Variants in COP1 observed in about 807,000 individuals in gnomAD.
COP1 encodes E3 ubiquitin-protein ligase COP1.
A neutral mutation model predicts 101.3 loss-of-function variants in COP1; 24 were observed. The observed-to-expected ratio is 0.24, with a 90% CI of 0.17 to 0.33. COP1 has a LOEUF of 0.33. COP1 is among the 10% of genes least tolerant of loss of function. The pLI is 1.00. For missense variants in COP1, 663 were observed against 906.2 expected, an observed-to-expected ratio of 0.73 and a Z score of 3.45; for synonymous variants, 347 against 341.9, an observed-to-expected ratio of 1.01 and a Z score of -0.17.
chr1:175,968,254 G>GT, intron 18 of COP1: 1 of 233,546 alleles, frequency 4.3e-6, no homozygotes, highest in Non-Finnish European at 8.9e-6. Context: ...TTCAAAACTC[G>GT]TAAGATACCT....
intron 15 of COP1, among the ~76,000 whole-genome samples, chr1:176,010,713 G>GTTAA (rs1664511077): frequency 6.6e-6 from 1 of 152,142 alleles, no homozygotes; most frequent in South Asian, 2.1e-4. Flanking sequence ...TATTTCAGTT[G>GTTAA]TTAAGCCAAA....
chr1:176,100,841 A>T (rs1683276385), intron 9 of COP1, among the ~76,000 whole-genome samples: 1 of 152,142 alleles, frequency 6.6e-6, no homozygotes, highest in Non-Finnish European at 1.5e-5. Flanking sequence ...TCAGCTTAAG[A>T]AAAGGAGTCC....
intron 14 of COP1, among the ~76,000 whole-genome samples, chr1:176,040,377 G>C (rs910541450): frequency 6.6e-6 from 1 of 151,904 alleles, no homozygotes; most frequent in African/African-American, 2.4e-5. Context: ...GTACAGTGTG[G>C]CACAATCCTC....
intron 8 of COP1, among the ~76,000 whole-genome samples, chr1:176,131,714 T>C (rs1159648528): frequency 1.3e-5 from 2 of 151,764 alleles, no homozygotes; most frequent in African/African-American, 4.8e-5. Flanking sequence ...AATAGTATTA[T>C]AAAAGATAAT....
chr1:176,061,481 C>A (rs1286525585), intron 11 of COP1, among the ~76,000 whole-genome samples: 1 of 152,142 alleles, frequency 6.6e-6, no homozygotes, highest in Admixed American at 6.5e-5. Flanking sequence ...ACAAAATTCA[C>A]TAGGCATGGT....
chr1:175,980,547 T>A (rs7553184), intron 18 of COP1, among the ~76,000 whole-genome samples: 104,067 of 152,040 alleles, frequency 0.68, 37,006 homozygotes, highest in East Asian at 0.92. Context: ...TTTGCTGCAC[T>A]TGGTTTCAGA....
At chr1:176,039,656 A>G (rs1337381270) in intron 14 of COP1, among the ~76,000 whole-genome samples, 1 of 152,194 alleles carries the variant, frequency 6.6e-6, no homozygotes, top group Admixed American at 6.5e-5. Flanking sequence ...TTGAAAAAGA[A>G]CAAAGATGGA....
intron 15 of COP1, among the ~76,000 whole-genome samples, chr1:176,013,339 C>T (rs1466892353): frequency 6.6e-6 from 1 of 152,026 alleles, no homozygotes; most frequent in Non-Finnish European, 1.5e-5. Context: ...GGGAAAAACA[C>T]AAGATGATGA....
intron 9 of COP1, among the ~76,000 whole-genome samples, chr1:176,096,499 G>A (rs773912714): frequency 1.4e-4 from 21 of 152,322 alleles, no homozygotes; most frequent in Admixed American, 2.6e-4. Context: ...GCCCCAAGGC[G>A]GCCTCAGGGG....
intron 14 of COP1, among the ~76,000 whole-genome samples, chr1:176,037,401 C>T (rs1449099093): frequency 3.4e-5 from 5 of 147,746 alleles, no homozygotes; most frequent in South Asian, 4.3e-4. Context: ...AGCAAGACTC[C>T]GTCTCAAAAA....
chr1:176,036,926 T>C (rs1669660166), intron 14 of COP1, among the ~76,000 whole-genome samples: 1 of 152,192 alleles, frequency 6.6e-6, no homozygotes, highest in Non-Finnish European at 1.5e-5. Context: ...ATAAATCTTG[T>C]AACAAATAAA....
intron 1 of COP1, among the ~76,000 whole-genome samples, chr1:176,204,201 C>T (rs1167431744): frequency 6.6e-6 from 1 of 152,182 alleles, no homozygotes; most frequent in Non-Finnish European, 1.5e-5. Flanking sequence ...AACAAAATTA[C>T]TTCTCTGTGC....
chr1:175,962,961 C>T (rs1373871751), intron 18 of COP1, among the ~76,000 whole-genome samples: 2 of 151,932 alleles, frequency 1.3e-5, no homozygotes, highest in African/African-American at 2.4e-5. Context: ...AATGAAACAT[C>T]GTCAAATAAA....
chr1:176,163,418 G>A (rs375455030), intron 4 of COP1, among the ~76,000 whole-genome samples: 1 of 152,102 alleles, frequency 6.6e-6, no homozygotes, highest in Admixed American at 6.6e-5. Flanking sequence ...ACAAAGTCTC[G>A]CTATGTTGCC....
At chr1:175,984,344 G>A (rs1656596650) in intron 18 of COP1, among the ~76,000 whole-genome samples, 1 of 152,214 alleles carries the variant, frequency 6.6e-6, no homozygotes, top group Admixed American at 6.5e-5. Flanking sequence ...CAAGCCCAAA[G>A]CCTTGGCAGC....
chr1:175,955,608 C>T (rs1342034437), intron 18 of COP1, among the ~76,000 whole-genome samples: 2 of 152,018 alleles, frequency 1.3e-5, no homozygotes, highest in Non-Finnish European at 2.9e-5. Context: ...AAATAAGCCA[C>T]TAGAATAAAT....
intron 15 of COP1, among the ~76,000 whole-genome samples, chr1:175,999,679 T>A (rs1297976414): frequency 1.3e-5 from 2 of 152,184 alleles, no homozygotes; most frequent in South Asian, 2.1e-4. Context: ...TTTTTAGGAA[T>A]CTCCAAACCA....
intron 2 of COP1, among the ~76,000 whole-genome samples, chr1:176,180,996 G>C (rs750698130): frequency 6.6e-6 from 1 of 152,110 alleles, no homozygotes; most frequent in Non-Finnish European, 1.5e-5. Context: ...GTAGACATAC[G>C]GTACAGGGCA....
chr1:176,135,920 A>C (rs1689716417), intron 7 of COP1, among the ~76,000 whole-genome samples: 1 of 86,914 alleles, frequency 1.2e-5, no homozygotes. Flanking sequence ...TGTTCTATGT[A>C]TCAGCAAAAA....
Sources: gnomAD v4.1 joint callset for allele counts (sites outside exome capture counted in the v4.1 genomes callset) on GRCh38, gnomAD v4.1.1 for gene constraint, MANE v1.5 for transcripts, NCBI Gene and HGNC (gene_info 2026-07-23, HGNC 2026-07-21) for gene names.